The following ITPR2 variants were observed in gnomAD, a reference collection of about 807,000 sequenced individuals.
ITPR2 encodes the protein inositol 1,4,5-trisphosphate receptor type 2, also known as inositol 1,4,5-trisphosphate-gated calcium channel ITPR2.
Under a neutral mutation model 317.1 loss-of-function variants are expected in ITPR2, and 207 were observed. The observed-to-expected ratio is 0.65, with a 90% CI of 0.58 to 0.73. The LOEUF (loss-of-function observed/expected upper bound fraction) is 0.73. Among genes scored for constraint, ITPR2 ranks in the 30% least tolerant of loss-of-function variants. The probability of loss-of-function intolerance (pLI) is 0.00; values close to 1 mark genes in which losing one functional copy is unlikely to be tolerated. For missense variants in ITPR2, 2,613 were observed against 3,284.0 expected (o/e 0.80, Z 4.99); for synonymous variants, 1,156 against 1,149.1 (o/e 1.01, Z -0.12).
In ITPR2 at chr12:26,830,724, T is replaced by C. The variant is rs1439550667; in HGVS notation, c.92+1966A>G. On this transcript the variant is annotated intron_variant, in intron 1 of 56. Coordinates refer to ENST00000381340, the MANE Select transcript of ITPR2 (RefSeq NM_002223.4). ...GACACTAAAAAAAAGTTCTTTTCTT[T>C]GTCTAGGTTTTATACTCTATTCCTA... 7.9e-5 allele frequency among the ~76,000 whole-genome samples: 12 copies of C among 152,376 alleles called. No homozygotes were observed. In the South Asian group the frequency reaches 2.1e-3, roughly 26 times the overall value.
intron 2 of ITPR2, among the ~76,000 whole-genome samples, chr12:26,729,955 A>T (rs1160130505): frequency 6.6e-6 from 1 of 152,186 alleles, no homozygotes; most frequent in Non-Finnish European, 1.5e-5. Context: ...CCTGAAGTTA[A>T]AATAAAAGTT....
At chr12:26,594,803 T>C (rs1176424162) in intron 32 of ITPR2, among the ~76,000 whole-genome samples, 2 of 152,136 alleles carry the variant, frequency 1.3e-5, no homozygotes, top group African/African-American at 4.8e-5. Flanking sequence ...ATTCCTTCTT[T>C]CTTATATTTC....
chr12:26,794,860 T>C (rs1950403359), intron 1 of ITPR2, among the ~76,000 whole-genome samples: 1 of 152,234 alleles, frequency 6.6e-6, no homozygotes, highest in Admixed American at 6.5e-5. Context: ...ACCAAAGACT[T>C]GGCTCCCTCC....
At chr12:26,682,975 G>A (rs1212267344) in intron 11 of ITPR2, among the ~76,000 whole-genome samples, 1 of 152,158 alleles carries the variant, frequency 6.6e-6, no homozygotes, top group Non-Finnish European at 1.5e-5. Context: ...AGAAACTTTG[G>A]GGGTGTGGCC....
chr12:26,659,972 T>C (rs1242638848), intron 15 of ITPR2, among the ~76,000 whole-genome samples: 1 of 152,238 alleles, frequency 6.6e-6, no homozygotes, highest in African/African-American at 2.4e-5. Flanking sequence ...ACTTTATTGA[T>C]TAGATCCATT....
chr12:26,771,291 G>A (rs903796580), intron 2 of ITPR2, among the ~76,000 whole-genome samples: 17 of 152,110 alleles, frequency 1.1e-4, no homozygotes, highest in Admixed American at 3.3e-4. Flanking sequence ...GAGCCCTCCT[G>A]AAGGAAGAAT....
At chr12:26,364,930 G>GA (rs1202588947) in intron 55 of ITPR2, among the ~76,000 whole-genome samples, 1 of 152,144 alleles carries the variant, frequency 6.6e-6, no homozygotes, top group Non-Finnish European at 1.5e-5. Flanking sequence ...ACTGTCCTGA[G>GA]AGACCATCTG....
chr12:26,750,984 G>T (rs978308235), intron 2 of ITPR2, among the ~76,000 whole-genome samples: 1 of 152,080 alleles, frequency 6.6e-6, no homozygotes, highest in South Asian at 2.1e-4. Context: ...AGTTAACACC[G>T]CCCAAGCAAC....
chr12:26,413,493 A>G (rs1301300984), intron 51 of ITPR2, among the ~76,000 whole-genome samples: 1 of 152,256 alleles, frequency 6.6e-6, no homozygotes, highest in African/African-American at 2.4e-5. Flanking sequence ...ATGAAAGAAT[A>G]AACTTAGCAC....
chr12:26,411,485 A>C, intron 51 of ITPR2, 73 bp from the exon 52 acceptor site: 1 of 1,010,236 alleles, frequency 9.9e-7, no homozygotes, highest in Non-Finnish European at 1.5e-6. Context: ...TACAGTTCTA[A>C]AGATATGTAA....
intron 55 of ITPR2, among the ~76,000 whole-genome samples, chr12:26,380,107 T>A (rs80324413): frequency 6.6e-6 from 1 of 152,160 alleles, no homozygotes; most frequent in Admixed American, 6.5e-5. Context: ...TTGGTCCAAA[T>A]CCTTTTATCC....
intron 23 of ITPR2, among the ~76,000 whole-genome samples, 185 bp downstream of exon 23, chr12:26,627,848 C>G (rs1470650293): frequency 6.6e-6 from 1 of 152,040 alleles, no homozygotes; most frequent in Non-Finnish European, 1.5e-5. Flanking sequence ...GTGCAGCAAA[C>G]CAACATGGCA....
chr12:26,549,879 T>G (rs1944482396), intron 37 of ITPR2, among the ~76,000 whole-genome samples: 1 of 151,916 alleles, frequency 6.6e-6, no homozygotes, highest in Admixed American at 6.6e-5. Context: ...TATGCCAAAA[T>G]GCATAGACAT....
chr12:26,644,356 C>T (rs2136870017), intron 21 of ITPR2, among the ~76,000 whole-genome samples: 1 of 152,292 alleles, frequency 6.6e-6, no homozygotes, highest in Admixed American at 6.5e-5. Context: ...CCCTGGTGAG[C>T]TGTGGGGCCC....
intron 13 of ITPR2, among the ~76,000 whole-genome samples, chr12:26,670,920 A>G (rs9738520): frequency 0.96 from 146,745 of 152,128 alleles, 70,847 homozygotes; most frequent in East Asian, 1. Flanking sequence ...CTCAGGAGCC[A>G]ATGCGATCAA....
chr12:26,641,267 A>T (rs1256713036), intron 21 of ITPR2, among the ~76,000 whole-genome samples: 1 of 152,064 alleles, frequency 6.6e-6, no homozygotes, highest in Non-Finnish European at 1.5e-5. Context: ...CTTTAATATG[A>T]CCTGAAAAAT....
chr12:26,725,791 A>T, intron 2 of ITPR2, 26 bp from the exon 3 acceptor site: 1 of 1,425,352 alleles, frequency 7.0e-7, no homozygotes, highest in Non-Finnish European at 9.9e-7. Flanking sequence ...ATACAAAAAC[A>T]CTGTAACTAA....
rs540814083 is a variant in ITPR2 at position 26,353,241 on chromosome 12, T to A, written c.7858-12913A>T. ...GTCATTGTCTTTCTGAGTCTTTCAG[T>A]TATTTTGTATTTACAAGTGTATTTT... On this transcript the variant is annotated intron_variant, in intron 55 of 56. Transcript: ENST00000381340. Among the ~76,000 whole-genome samples, 6 of 152,366 alleles carry A rather than the reference T, an allele frequency of 3.9e-5. No individual in the cohort carries two copies. The East Asian group carries it at 9.6e-4, about 24-fold the overall frequency.
intron 55 of ITPR2, among the ~76,000 whole-genome samples, chr12:26,359,758 T>A (rs1938762598): frequency 1.3e-5 from 2 of 152,042 alleles, no homozygotes; most frequent in Admixed American, 1.3e-4. Context: ...CATGGGATGA[T>A]GACATCCCCA....
Sources: allele counts gnomAD v4.1 joint callset (sites outside exome capture counted in the v4.1 genomes callset), GRCh38; gene constraint gnomAD v4.1.1; transcripts MANE v1.5; gene names NCBI Gene and HGNC (gene_info 2026-07-23, HGNC 2026-07-21).